DICER1: variants seen among roughly 807,000 people sequenced by gnomAD.
DICER1 encodes the protein dicer 1, ribonuclease III.
In DICER1, 43 loss-of-function variants were observed where a neutral mutation model predicts 194.1. The observed-to-expected ratio is 0.22, with a 90% confidence interval of 0.17 to 0.29. The LOEUF (loss-of-function observed/expected upper bound fraction) is 0.29. Among genes scored for constraint, DICER1 ranks in the 10% least tolerant of loss-of-function variants. DICER1 has a pLI of 1.00. For missense variants in DICER1, 1,608 were observed against 2,317.0 expected (o/e 0.69, Z 6.28); for synonymous variants, 832 against 820.5 (o/e 1.01, Z -0.24).
Position 95,107,818 on chromosome 14 carries a change from T to C in DICER1, c.2651-57A>G, listed in dbSNP as rs1891577526. ...TAAAACATGATACAGATAAGTTTCATACCAAAGCTGTATGTTTGTATATGT... is the reference window on the plus strand; with the variant it reads ...TAAAACATGATACAGATAAGTTTCACACCAAAGCTGTATGTTTGTATATGT... On this transcript the variant is annotated intron_variant, in intron 16 of 26. Coordinates refer to ENST00000343455, the MANE Select transcript of DICER1 (RefSeq NM_177438.3). 1.4e-5 allele frequency: 22 copies of C among 1,610,278 alleles called. No homozygotes were observed. In the South Asian group the frequency reaches 2.2e-4, roughly 16 times the overall value.
intron 1 of DICER1, among the ~76,000 whole-genome samples, chr14:95,142,170 C>G (rs916683829): frequency 1.3e-5 from 2 of 151,752 alleles, no homozygotes; most frequent in African/African-American, 4.8e-5. Flanking sequence ...GTTTCCCAGG[C>G]TGGTCTCGAA....
At chr14:95,114,752 T>C (rs904669063) in intron 11 of DICER1, among the ~76,000 whole-genome samples, 9 of 152,172 alleles carry the variant, frequency 5.9e-5, no homozygotes, top group African/African-American at 2.2e-4. Flanking sequence ...CAAATCAACA[T>C]GGTGTGCGAC....
At chr14:95,151,626 C>T (rs938921056) in intron 1 of DICER1, among the ~76,000 whole-genome samples, 5 of 152,160 alleles carry the variant, frequency 3.3e-5, no homozygotes, top group African/African-American at 1.2e-4. Context: ...GATTTGAACC[C>T]TGGTCTCTCT....
intron 8 of DICER1, 99 bp from the exon 9 acceptor site, chr14:95,117,853 G>A: frequency 8.5e-7 from 1 of 1,180,682 alleles, no homozygotes; most frequent in Admixed American, 2.0e-5. Flanking sequence ...TGCATTTTTT[G>A]CAAACATACC....
In DICER1 at chr14:95,090,390, T is replaced by C; in HGVS notation, c.*108A>G. The C allele has an allele frequency of 8.0e-7, 1 of 1,248,848 alleles. No individual in the cohort carries two copies. The highest frequency in any genetic ancestry group is 1.2e-5 in the South Asian group (1 of 81,186). 77.4% of individuals were successfully genotyped at this position (1,248,848 alleles called of 1,614,324 possible). On this transcript the variant is annotated 3_prime_UTR_variant, in exon 27 of 27. Transcript: ENST00000343455. ...ATCAACCAAACTTTAAATTCTGCCTTCAATTCATTCCACTCACTAACAACT... is the reference window on the plus strand; with the variant it reads ...ATCAACCAAACTTTAAATTCTGCCTCCAATTCATTCCACTCACTAACAACT...
intron 4 of DICER1, 51 bp from the exon 5 acceptor site, chr14:95,130,243 A>G (rs754377643): frequency 6.4e-7 from 1 of 1,564,362 alleles, no homozygotes; most frequent in Non-Finnish European, 8.7e-7. Flanking sequence ...CTGCCTGGAT[A>G]TACTTACATA....
rs1302859614 is a variant in DICER1 at position 95,087,437 on chromosome 14, A to G, written c.*3061T>C. The G allele has an allele frequency of 1.3e-5, 3 of 233,212 alleles. No homozygotes were observed. The South Asian group carries it at 5.4e-4, about 42-fold the overall frequency. The allele number at this position is 233,212 out of a possible 1,614,324, so 14.4% of individuals were successfully genotyped here. A position where few individuals can be genotyped will look rare whatever the true frequency, so the allele number is the denominator to read the frequency against. On this transcript the variant is annotated 3_prime_UTR_variant, in exon 27 of 27. Transcript: ENST00000343455. Reference sequence around the variant, plus strand: ...ACAAACAGTAAAAATGCCACAGACAAAAATGACCTATTTAAGTTGTGCGAG... The same window carrying G: ...ACAAACAGTAAAAATGCCACAGACAGAAATGACCTATTTAAGTTGTGCGAG...
intron 25 of DICER1, 21 bp from the exon 26 acceptor site, chr14:95,091,130 T>C (rs1889770997): frequency 1.2e-6 from 2 of 1,613,858 alleles, no homozygotes; most frequent in Non-Finnish European, 1.7e-6. Context: ...AATGAAAGAA[T>C]AATATGAATA....
chr14:95,105,858 C>A lies in DICER1; in HGVS notation c.2988-75G>T. ...ATTCACAGTGGTTCTCCAAAAACCA[C>A]CTGAAGAGCTCATTTCAACTACAGC... is the stretch of plus-strand genomic sequence containing the variant. On this transcript the variant is annotated intron_variant, in intron 18 of 26. Transcript: ENST00000343455. The surrounding 1 kb of genome is among the most constrained non-coding windows in gnomAD (Gnocchi z 4.9). The A allele has an allele frequency of 1.4e-6, 2 of 1,440,152 alleles. No homozygotes were observed. Among genetic ancestry groups the A allele is most frequent in the East Asian group, 4.6e-5 (2 of 43,866 alleles). The allele number at this position is 1,440,152 out of a possible 1,614,324, so 89.2% of individuals were successfully genotyped here. A position where few individuals can be genotyped will look rare whatever the true frequency, so the allele number is the denominator to read the frequency against.
In DICER1 at chr14:95,107,619, A is replaced by G. The variant is rs1595378761; in HGVS notation, c.2793T>C (p.Val931=). 6.2e-7 allele frequency: 1 copy of G among 1,613,842 alleles called. No homozygotes were observed. The highest frequency in any genetic ancestry group is 1.3e-5 in the African/African-American group (1 of 74,916). The part of the protein sequence containing the change: ...VFKLEDYQDA[V]IIPRYRNFDQ... ...ATTTAAATACCTACCTTGGAATGAT[A>G]ACGGCATCTTGGTAATCTTCTAATT... The change falls in exon 17 of 27, where the codon GTT becomes GTC. Residue 931 remains valine, a synonymous_variant. Coordinates refer to ENST00000343455, the MANE Select transcript of DICER1 (RefSeq NM_177438.3).
At chr14:95,116,805 G>A (rs903571497) in intron 9 of DICER1, 110 bp from the exon 10 acceptor site, 1 of 1,133,392 alleles carries the variant, frequency 8.8e-7, no homozygotes, top group Non-Finnish European at 1.3e-6. Flanking sequence ...ACATGCTCTT[G>A]GGCATTCTAA....
chr14:95,119,629 T>C (rs1410792101), intron 8 of DICER1, among the ~76,000 whole-genome samples: 2 of 151,838 alleles, frequency 1.3e-5, no homozygotes, highest in Admixed American at 6.5e-5. Context: ...ATACAAGCTG[T>C]TCACCAGCAA....
chr14:95,091,790 G>A (rs1008383755), intron 24 of DICER1, among the ~76,000 whole-genome samples: 2 of 152,200 alleles, frequency 1.3e-5, no homozygotes, highest in African/African-American at 4.8e-5. Context: ...GCTGGCACGG[G>A]TGTATGCTGC....
intron 24 of DICER1, among the ~76,000 whole-genome samples, chr14:95,092,276 A>G (rs1357561820): frequency 4.6e-5 from 7 of 152,338 alleles, no homozygotes; most frequent in East Asian, 1.9e-4. Context: ...AGATATGTTT[A>G]TATCTATACA....
At chr14:95,151,968 A>T (rs1332418324) in intron 1 of DICER1, among the ~76,000 whole-genome samples, 2 of 152,234 alleles carry the variant, frequency 1.3e-5, no homozygotes, top group African/African-American at 4.8e-5. Context: ...CATCATGTCA[A>T]AGATCAGTTT....
intron 8 of DICER1, among the ~76,000 whole-genome samples, chr14:95,119,836 T>C (rs988481768): frequency 3.3e-5 from 5 of 152,236 alleles, no homozygotes; most frequent in African/African-American, 1.2e-4. Context: ...ATTCAGCAGA[T>C]ATAAAATTAC....
intron 20 of DICER1, among the ~76,000 whole-genome samples, chr14:95,104,327 G>A (rs1227634352): frequency 6.6e-6 from 1 of 152,128 alleles, no homozygotes. Flanking sequence ...TTTAATCCCT[G>A]GCCCTAGACT....
chr14:95,122,666 CTCTT>C (rs1893033237), intron 8 of DICER1, among the ~76,000 whole-genome samples: 1 of 152,204 alleles, frequency 6.6e-6, no homozygotes, highest in Non-Finnish European at 1.5e-5. Context: ...TCTCCTGAGG[CTCTT>C]TCTCATTTTT....
At chr14:95,102,096 A>G (rs994857376) in intron 21 of DICER1, among the ~76,000 whole-genome samples, 7 of 152,188 alleles carry the variant, frequency 4.6e-5, no homozygotes, top group Non-Finnish European at 8.8e-5. Flanking sequence ...ATATGTGTAT[A>G]TATGTGGGTG....
Sources: gnomAD v4.1 joint callset for allele counts (sites outside exome capture counted in the v4.1 genomes callset) on GRCh38, gnomAD v4.1.1 for gene constraint, Gnocchi (gnomAD v3.1) non-coding constraint, MANE v1.5 for transcripts, NCBI Gene and HGNC (gene_info 2026-07-23, HGNC 2026-07-21) for gene names.